ANAPC2: variants seen among roughly 807,000 people sequenced by gnomAD.
The protein encoded by ANAPC2 is anaphase-promoting complex subunit 2.
Under a neutral mutation model 84.3 loss-of-function variants are expected in ANAPC2, and 29 were observed. The observed-to-expected ratio is 0.34, with a 90% confidence interval of 0.26 to 0.47. The LOEUF (loss-of-function observed/expected upper bound fraction) is 0.47. Among genes scored for constraint, ANAPC2 ranks in the 20% least tolerant of loss-of-function variants. The pLI is 1.00. For synonymous variants in ANAPC2, 571 were observed against 479.4 expected, an observed-to-expected ratio of 1.19 and a Z score of -2.50; for missense variants, 857 against 1,131.7, an observed-to-expected ratio of 0.76 and a Z score of 3.48.
chr9:137,184,079 C>T (rs1834400672), intron 4 of ANAPC2, among the ~76,000 whole-genome samples: 1 of 152,236 alleles, frequency 6.6e-6, no homozygotes, highest in African/African-American at 2.4e-5. Flanking sequence ...GCATCTGCCA[C>T]ACCTGCCCTG....
At position 137,175,699 on chromosome 9, in the gene ANAPC2, T is replaced by C; in HGVS notation, c.2020+9A>G. 6.2e-7 allele frequency: 1 copy of C among 1,605,520 alleles called. No homozygotes were observed. Among genetic ancestry groups the C allele is most frequent in the Non-Finnish European group, 8.5e-7 (1 of 1,175,946 alleles). ...CCGGGGCAGGCCAGCTAGGGGCTGG[T>C]GGGCTCACCTTGGTCCTGAAAATAC... On this transcript the variant is annotated intron_variant, in intron 11 of 12. Coordinates refer to ENST00000323927, the MANE Select transcript of ANAPC2 (RefSeq NM_013366.4).
At chr9:137,176,796 AC>A (rs1333992263) in intron 10 of ANAPC2, 1 of 152,250 alleles carries the variant, frequency 6.6e-6, no homozygotes, top group Non-Finnish European at 1.5e-5. Flanking sequence ...GCGAAGTGGG[AC>A]CTGCAGCTGA....
chr9:137,175,925 G>A, intron 10 of ANAPC2, 88 bp from the exon 11 acceptor site: 2 of 1,467,800 alleles, frequency 1.4e-6, no homozygotes, highest in Non-Finnish European at 1.8e-6. Flanking sequence ...TGAGAAAGGG[G>A]CTCCCAGAGC....
Position 137,174,918 on chromosome 9 carries a change from G to A in ANAPC2, c.*24C>T. On this transcript the variant is annotated 3_prime_UTR_variant, in exon 13 of 13. Transcript: ENST00000323927. The surrounding 1 kb of genome is among the most constrained non-coding windows in gnomAD (Gnocchi z 6.1). ...GCACCTGCAGGGCAGCGCCTGGCGG[G>A]CGGGCGGGCGGGCGGGCGATGTGTC... The A allele has an allele frequency of 6.8e-7, 1 of 1,474,688 alleles. No individual in the cohort carries two copies. Among genetic ancestry groups the A allele is most frequent in the Non-Finnish European group, 9.0e-7 (1 of 1,112,248 alleles). 91.4% of individuals were successfully genotyped at this position (1,474,688 alleles called of 1,614,324 possible).
Position 137,187,915 on chromosome 9 carries a change from C to T in ANAPC2, c.306G>A (p.Ala102=), listed in dbSNP as rs1262456614. Residue 102 remains alanine, a synonymous_variant, in exon 2 of 13, where the codon GCG becomes GCA. Transcript: ENST00000323927. ...GTAGCAAAAGGCACTGGGGCTCATCCGCAGAGTTCTCGCATTGGGAGATGG... is the reference window on the plus strand; with the variant it reads ...GTAGCAAAAGGCACTGGGGCTCATCTGCAGAGTTCTCGCATTGGGAGATGG... ...WNAISQCENS[A]DEPQCLLLLL... is the part of the protein sequence containing the mutation. 6.2e-7 allele frequency: 1 copy of T among 1,613,828 alleles called. No individual in the cohort carries two copies. Among genetic ancestry groups the T allele is most frequent in the Non-Finnish European group, 8.5e-7 (1 of 1,180,034 alleles).
chr9:137,180,772 G>T lies in ANAPC2; in HGVS notation c.1610+16C>A. 6.2e-7 allele frequency: 1 copy of T among 1,606,778 alleles called. No homozygotes were observed. On this transcript the variant is annotated intron_variant, in intron 8 of 12. Transcript: ENST00000323927. ...CCCGGCACCCCTGGAGATGGCCAGC[G>T]CGTCACAGGCCTCACCGCTCGGGGC... is the stretch of plus-strand genomic sequence containing the variant.
intron 1 of ANAPC2, 60 bp downstream of exon 1, chr9:137,188,356 C>T (rs1834525520): frequency 1.9e-6 from 3 of 1,547,688 alleles, no homozygotes; most frequent in Admixed American, 3.7e-5. Flanking sequence ...GTAGCGGCCC[C>T]AAAGCGCGTA....
chr9:137,185,431 C>T (rs1834443722), intron 3 of ANAPC2, among the ~76,000 whole-genome samples: 2 of 152,234 alleles, frequency 1.3e-5, no homozygotes, highest in African/African-American at 2.4e-5. Flanking sequence ...ATAAACACGC[C>T]CTTGAGACCA....
chr9:137,186,512 G>C, intron 2 of ANAPC2, 156 bp from the exon 3 acceptor site: 1 of 1,146,172 alleles, frequency 8.7e-7, no homozygotes, highest in Non-Finnish European at 1.2e-6. Context: ...TCAGCTGTGG[G>C]GGGCGGTTGT....
intron 10 of ANAPC2, among the ~76,000 whole-genome samples, 187 bp downstream of exon 10, chr9:137,179,994 G>C (rs1157876280): frequency 6.6e-6 from 1 of 152,260 alleles, no homozygotes; most frequent in East Asian, 1.9e-4. Context: ...ACACGGGGTT[G>C]CTGGGAGGAA....
At chr9:137,183,933 A>AT (rs1834397487) in intron 4 of ANAPC2, 142 bp from the exon 5 acceptor site, 5 of 1,145,352 alleles carry the variant, frequency 4.4e-6, no homozygotes, top group Non-Finnish European at 6.2e-6. Context: ...GGCACCAGAC[A>AT]TCCCCCCGAC....
chr9:137,188,204 C>G, intron 1 of ANAPC2, 101 bp from the exon 2 acceptor site: 1 of 1,456,104 alleles, frequency 6.9e-7, no homozygotes, highest in Non-Finnish European at 9.2e-7. Context: ...AACTCCGCTG[C>G]CCCCTGTCCG....
chr9:137,176,778 T>C (rs978637776), intron 10 of ANAPC2: 7 of 152,270 alleles, frequency 4.6e-5, no homozygotes, highest in Non-Finnish European at 1.0e-4. Context: ...GCTGCTCTGC[T>C]GTTGGGTGCG....
Position 137,185,147 on chromosome 9 carries a change from G to A in ANAPC2, c.874-60C>T, listed in dbSNP as rs569986165. 9.8e-6 allele frequency: 14 copies of A among 1,434,648 alleles called. No individual in the cohort carries two copies. In the South Asian group the frequency reaches 2.0e-4, roughly 20 times the overall value. 88.9% of individuals were successfully genotyped at this position (1,434,648 alleles called of 1,614,324 possible). ...GCATGGTGAGCCCCGGGCTGACTCA[G>A]AGGCTGGGAGGAGCCTCACGGCCAC... is the stretch of plus-strand genomic sequence containing the variant. On this transcript the variant is annotated intron_variant, in intron 3 of 12. Coordinates refer to ENST00000323927, the MANE Select transcript of ANAPC2 (RefSeq NM_013366.4).
intron 1 of ANAPC2, 126 bp from the exon 2 acceptor site, chr9:137,188,229 T>A: frequency 7.2e-7 from 1 of 1,381,186 alleles, no homozygotes; most frequent in Non-Finnish European, 9.7e-7. Context: ...GCCCGGACGT[T>A]GGGCCGAAGC....
At position 137,185,278 on chromosome 9, in the gene ANAPC2, C is replaced by G. The variant is rs777533553; in HGVS notation, c.874-191G>C. 2.6e-5 allele frequency among the ~76,000 whole-genome samples: 4 copies of G among 152,340 alleles called. No individual in the cohort carries two copies. The South Asian group carries it at 8.3e-4, about 32-fold the overall frequency. Reference sequence around the variant, plus strand: ...GGTGATGGCCCAAAAGGCGACGTCCCGGCCCCCCTGCAGTCTTCGTGCCTC... The same window carrying G: ...GGTGATGGCCCAAAAGGCGACGTCCGGGCCCCCCTGCAGTCTTCGTGCCTC... On this transcript the variant is annotated intron_variant, in intron 3 of 12. Transcript: ENST00000323927.
rs370650675 is a variant in ANAPC2, at chr9:137,176,150, C to T, written c.1891-313G>A. 1.0e-4 allele frequency: 22 copies of T among 219,612 alleles called. No individual in the cohort carries two copies. In the East Asian group the frequency reaches 1.8e-3, roughly 18 times the overall value. 13.6% of individuals were successfully genotyped at this position (219,612 alleles called of 1,614,324 possible). A position where few individuals can be genotyped will look rare whatever the true frequency, so the allele number is the denominator to read the frequency against. ...CAGATGTAACTGAGGTGCATCCTAACCCAACTGACTGGGGTCCTTCTAAGA... is the reference window on the plus strand; with the variant it reads ...CAGATGTAACTGAGGTGCATCCTAATCCAACTGACTGGGGTCCTTCTAAGA... On this transcript the variant is annotated intron_variant, in intron 10 of 12. Transcript: ENST00000323927.
At chr9:137,183,863 T>C (rs1834395478) in intron 4 of ANAPC2, 72 bp from the exon 5 acceptor site, 4 of 1,575,748 alleles carry the variant, frequency 2.5e-6, no homozygotes, top group East Asian at 2.3e-5. Flanking sequence ...GCAGAGTGTG[T>C]GCGGTGTGGG....
chr9:137,175,628 C>T, intron 11 of ANAPC2, 80 bp downstream of exon 11: 1 of 1,538,014 alleles, frequency 6.5e-7, no homozygotes, highest in Non-Finnish European at 8.8e-7. Flanking sequence ...CCCCAAACCA[C>T]ACCCTCACTG....
Sources: gnomAD v4.1 joint callset for allele counts (sites outside exome capture counted in the v4.1 genomes callset) on GRCh38, gnomAD v4.1.1 for gene constraint, Gnocchi (gnomAD v3.1) non-coding constraint, MANE v1.5 for transcripts, NCBI Gene and HGNC (gene_info 2026-07-23, HGNC 2026-07-21) for gene names.